Variants in NDUFA10 observed in about 807,000 individuals in gnomAD.
NDUFA10 encodes NADH dehydrogenase [ubiquinone] 1 alpha subcomplex subunit 10, mitochondrial.
NDUFA10 carries 40 observed loss-of-function variants against 47.8 expected under a neutral mutation model. The observed-to-expected ratio is 0.84, with a 90% confidence interval of 0.65 to 1.09. The LOEUF is 1.09. NDUFA10 is among the 50% of genes least tolerant of loss of function. NDUFA10 has a pLI of 0.00. For missense variants in NDUFA10, 413 were observed against 451.1 expected (o/e 0.92, Z 0.76); for synonymous variants, 183 against 172.2 (o/e 1.06, Z -0.49).
chr2:240,003,135 C>T (rs748526861), intron 8 of NDUFA10, among the ~76,000 whole-genome samples: 3 of 152,292 alleles, frequency 2.0e-5, no homozygotes, highest in South Asian at 4.1e-4. Context: ...CAGACGTGAA[C>T]GCTGCCTGGC....
rs1460629203 is a variant in NDUFA10 at position 239,987,558 on chromosome 2, G to T, written c.999+2516C>A. ...AAGTTATTTTTCTTTTTTTAGTTTGGAACATCCCAAACTACCCAAACTAAA... is the reference window on the plus strand; with the variant it reads ...AAGTTATTTTTCTTTTTTTAGTTTGTAACATCCCAAACTACCCAAACTAAA... On this transcript the variant is annotated intron_variant, in intron 9 of 9. Coordinates refer to ENST00000252711, the MANE Select transcript of NDUFA10 (RefSeq NM_004544.4). The surrounding 1 kb of genome is among the most constrained non-coding windows in gnomAD (Gnocchi z 4.8). 6.6e-6 allele frequency among the ~76,000 whole-genome samples: 1 copy of T among 151,224 alleles called. No homozygotes were observed. The highest frequency in any genetic ancestry group is 1.5e-5 in the Non-Finnish European group (1 of 67,878).
At chr2:240,022,057 G>C in intron 2 of NDUFA10, 115 bp downstream of exon 2, 1 of 855,492 alleles carries the variant, frequency 1.2e-6, no homozygotes, top group Middle Eastern at 4.3e-4. Context: ...ACCCACCTTA[G>C]GCCCAATTAT....
intron 9 of NDUFA10, among the ~76,000 whole-genome samples, chr2:239,963,627 A>G (rs1694944980): frequency 6.6e-6 from 1 of 152,206 alleles, no homozygotes; most frequent in Non-Finnish European, 1.5e-5. Flanking sequence ...TGCTTATAGA[A>G]TATGTGCAGG....
At chr2:239,921,489 G>C (rs2106368352) in intron 4 of NDUFA10, among the ~76,000 whole-genome samples, 1 of 152,220 alleles carries the variant, frequency 6.6e-6, no homozygotes, top group Middle Eastern at 3.4e-3. Flanking sequence ...TCTTCCCCGT[G>C]ATTGGTTACT....
intron 4 of NDUFA10, among the ~76,000 whole-genome samples, chr2:239,934,189 A>T (rs1269053112): frequency 1.3e-5 from 2 of 152,136 alleles, no homozygotes; most frequent in African/African-American, 4.8e-5. Flanking sequence ...AGATTTAAGT[A>T]AACTAATAGG....
chr2:239,943,702 C>A (rs1202482142), intron 4 of NDUFA10, among the ~76,000 whole-genome samples: 1 of 152,158 alleles, frequency 6.6e-6, no homozygotes, highest in Non-Finnish European at 1.5e-5. Flanking sequence ...GGGAAGCAGG[C>A]CTCACTCAGC....
Position 239,993,498 on chromosome 2 carries a change from C to T in NDUFA10, c.891-3316G>A, listed in dbSNP as rs190643393. Among the ~76,000 whole-genome samples the T allele has an allele frequency of 1.2e-4, 19 of 152,260 alleles. 1 individual carries two copies. The highest frequency in any genetic ancestry group is 1.2e-3 in the Admixed American group (19 of 15,296). The stretch of plus-strand genomic sequence containing the variant: ...AAGGGCCTGGCAGATTGCCTGGTAT[C>T]CTGGTAGAAGACGCAGAACCAGGGC... On this transcript the variant is annotated intron_variant, in intron 8 of 9. Coordinates refer to ENST00000252711, the MANE Select transcript of NDUFA10 (RefSeq NM_004544.4).
rs1477561363 is a variant in NDUFA10 at position 239,915,530 on chromosome 2, CACAA to C, written c.295-20220_295-20217del. The stretch of plus-strand genomic sequence containing the variant: ...ATATACAGACACACACAGACAGATA[CACAA>C]ACATACACAGAGAACACACACATAC... On this transcript the variant is annotated intron_variant, in intron 4 of 5. Coordinates refer to the NDUFA10 transcript ENST00000419408. 2.8e-4 allele frequency among the ~76,000 whole-genome samples: 39 copies of C among 138,952 alleles called. 1 individual carries two copies. The highest frequency in any genetic ancestry group is 2.1e-4 in the Non-Finnish European group (14 of 65,536). 91.2% of individuals were successfully genotyped at this position (138,952 alleles called of 152,430 possible). A position where few individuals can be genotyped will look rare whatever the true frequency, so the allele number is the denominator to read the frequency against.
At chr2:239,997,453 G>C (rs1297656913) in intron 8 of NDUFA10, among the ~76,000 whole-genome samples, 1 of 152,172 alleles carries the variant, frequency 6.6e-6, no homozygotes, top group African/African-American at 2.4e-5. Context: ...GAAAGTTTTT[G>C]TTTGCATTTT....
At chr2:239,943,331 TTTTC>T (rs146322334) in intron 4 of NDUFA10, among the ~76,000 whole-genome samples, 3,630 of 152,238 alleles carry the variant, frequency 0.024, 146 homozygotes, top group African/African-American at 0.083. Context: ...GGCTACTAAT[TTTTC>T]TTTCTTTTTT....
At chr2:240,017,937 C>T (rs1697432280) in intron 4 of NDUFA10, 4 of 1,524,918 alleles carry the variant, frequency 2.6e-6, no homozygotes, top group Non-Finnish European at 3.6e-6. Flanking sequence ...GTCAGACTGT[C>T]CACCAGGCCT....
intron 4 of NDUFA10, among the ~76,000 whole-genome samples, chr2:239,908,050 T>C (rs1273338597): frequency 6.6e-6 from 1 of 152,202 alleles, no homozygotes; most frequent in Non-Finnish European, 1.5e-5. Flanking sequence ...ATATACACCA[T>C]GGAATACTAT....
In NDUFA10 at chr2:239,960,230, C is replaced by T; in HGVS notation, c.*888G>A. ...AAAACCCACAGTTCAGTAGGACTCA[C>T]AACTGACAGCTTGATTCCTAAACCA... On this transcript the variant is annotated 3_prime_UTR_variant, in exon 10 of 10. Transcript: ENST00000252711. The T allele has an allele frequency of 1.0e-6, 1 of 985,510 alleles. No homozygotes were observed. The highest frequency in any genetic ancestry group is 1.2e-6 in the Non-Finnish European group (1 of 830,008). The allele number at this position is 985,510 out of a possible 1,614,324, so 61.0% of individuals were successfully genotyped here.
intron 9 of NDUFA10, among the ~76,000 whole-genome samples, chr2:239,974,123 T>C (rs1412804963): frequency 6.6e-6 from 1 of 152,108 alleles, no homozygotes; most frequent in East Asian, 1.9e-4. Flanking sequence ...GAGACAGGGT[T>C]TCTCCATGTT....
intron 4 of NDUFA10, among the ~76,000 whole-genome samples, chr2:239,941,407 GTCAGAGGTTCCTTCCTCGACA>G (rs1394469453): frequency 1.3e-5 from 2 of 152,150 alleles, no homozygotes; most frequent in South Asian, 2.1e-4. Flanking sequence ...CACCCTCGGT[GTCAGAGGTTCCTTCCTCGACA>G]TCAAAACGAC....
At chr2:239,977,839 T>C (rs969788415) in intron 9 of NDUFA10, among the ~76,000 whole-genome samples, 9 of 152,146 alleles carry the variant, frequency 5.9e-5, no homozygotes, top group Non-Finnish European at 1.2e-4. Context: ...CCAGCATGGG[T>C]CAGCTGGCTT....
At chr2:240,008,769 TG>T (rs1041705798) in intron 6 of NDUFA10, among the ~76,000 whole-genome samples, 1 of 152,138 alleles carries the variant, frequency 6.6e-6, no homozygotes, top group African/African-American at 2.4e-5. Flanking sequence ...GTATGGAAGG[TG>T]GGGAAGACAG....
At chr2:239,994,636 C>T (rs1396849455) in intron 8 of NDUFA10, among the ~76,000 whole-genome samples, 1 of 152,184 alleles carries the variant, frequency 6.6e-6, no homozygotes, top group African/African-American at 2.4e-5. Flanking sequence ...ATCCCCGCCC[C>T]AGTCTGTGTA....
In NDUFA10 at chr2:240,005,415, CACA is replaced by C. The variant is rs1238924997; in HGVS notation, c.805-123_805-121del. 254 of 775,940 alleles carry C rather than the reference CACA, an allele frequency of 3.3e-4. 1 individual carries two copies. Among genetic ancestry groups the C allele is most frequent in the Non-Finnish European group, 4.9e-4 (222 of 450,936 alleles). The allele number at this position is 775,940 out of a possible 1,614,324, so 48.1% of individuals were successfully genotyped here. ...CCAGGCTGGAAAGTAGTGGCACAATCACAGCACACTGCAGCCTTGGCCTGCTGG... is the reference window on the plus strand; with the variant it reads ...CCAGGCTGGAAAGTAGTGGCACAATCGCACACTGCAGCCTTGGCCTGCTGG... On this transcript the variant is annotated intron_variant, in intron 7 of 9. Coordinates refer to ENST00000252711, the MANE Select transcript of NDUFA10 (RefSeq NM_004544.4).
Sources: allele counts gnomAD v4.1 joint callset (sites outside exome capture counted in the v4.1 genomes callset), GRCh38; gene constraint gnomAD v4.1.1; non-coding constraint Gnocchi (gnomAD v3.1); transcripts MANE v1.5; gene names NCBI Gene and HGNC (gene_info 2026-07-23, HGNC 2026-07-21).